The following XPR1 variants were observed in gnomAD, a reference collection of about 807,000 sequenced individuals.
The protein encoded by XPR1 is xenotropic and polytropic retrovirus receptor 1.
In XPR1, 28 loss-of-function variants were observed where a neutral mutation model predicts 87.5. The ratio of observed to expected loss-of-function variants is 0.32; its 90% CI spans 0.24 to 0.44. The LOEUF is 0.44. Ranked by LOEUF, XPR1 falls within the 20% of genes least tolerant of loss-of-function variation. The pLI is 1.00. For missense variants in XPR1, 559 were observed against 862.3 expected (o/e 0.65, Z 4.41); for synonymous variants, 300 against 306.1 (o/e 0.98, Z 0.21).
intron 1 of XPR1, among the ~76,000 whole-genome samples, chr1:180,639,261 C>CT (rs1654885356): frequency 6.6e-6 from 1 of 151,700 alleles, no homozygotes; most frequent in Non-Finnish European, 1.5e-5. Flanking sequence ...GCACTCCAGC[C>CT]TGGGTGACAG....
chr1:180,682,479 C>T, intron 2 of XPR1, 68 bp downstream of exon 2: 1 of 1,329,764 alleles, frequency 7.5e-7, no homozygotes, highest in East Asian at 2.5e-5. Flanking sequence ...TTTTGTACTG[C>T]AGAGTATAAA....
intron 2 of XPR1, among the ~76,000 whole-genome samples, chr1:180,727,507 G>C (rs1658395208): frequency 6.6e-6 from 1 of 152,162 alleles, no homozygotes; most frequent in African/African-American, 2.4e-5. Context: ...AGCCAGGCGT[G>C]GTGGCAGATG....
chr1:180,751,593 A>G (rs991959043), intron 2 of XPR1, among the ~76,000 whole-genome samples: 1 of 152,148 alleles, frequency 6.6e-6, no homozygotes, highest in Non-Finnish European at 1.5e-5. Flanking sequence ...TTTGGTGAGC[A>G]TTAACATTAG....
At chr1:180,671,715 A>C (rs556932612) in intron 1 of XPR1, among the ~76,000 whole-genome samples, 3 of 152,238 alleles carry the variant, frequency 2.0e-5, no homozygotes, top group African/African-American at 7.2e-5. Context: ...GGGTCTCACC[A>C]TGTTGGCCAG....
chr1:180,863,771 C>T lies in XPR1; in HGVS notation c.1565C>T (p.Ser522Phe), dbSNP rs1255474643. Residue 522 changes from serine to phenylalanine, a missense_variant, in exon 12 of 15, where the codon TCC becomes TTC. Ser to Phe is a radical substitution (Grantham distance 155). Transcript: ENST00000367590. ...YLWIVFYIIS[S>F]CYTLIWDLKM... ...TGGATTGTCTTTTATATCATCAGTT[C>T]CTGCTATACCCTCATCTGGGATCTC... 1.2e-6 allele frequency: 2 copies of T among 1,610,502 alleles called. No homozygotes were observed. The highest frequency in any genetic ancestry group is 1.7e-5 in the Admixed American group (1 of 59,290).
chr1:180,818,631 G>T (rs1375440712), intron 7 of XPR1, among the ~76,000 whole-genome samples: 1 of 152,176 alleles, frequency 6.6e-6, no homozygotes, highest in Non-Finnish European at 1.5e-5. Flanking sequence ...GCCATGGGAA[G>T]TTTGTGATGG....
chr1:180,643,002 A>T (rs1244180278), intron 1 of XPR1, among the ~76,000 whole-genome samples: 1 of 152,166 alleles, frequency 6.6e-6, no homozygotes, highest in Non-Finnish European at 1.5e-5. Flanking sequence ...TTAGTTAGAT[A>T]TGTTGAAGAG....
intron 11 of XPR1, among the ~76,000 whole-genome samples, chr1:180,861,295 C>T (rs1652212135): frequency 6.6e-6 from 1 of 151,946 alleles, no homozygotes; most frequent in Non-Finnish European, 1.5e-5. Flanking sequence ...CTTTTTATCT[C>T]TGTGTGGATC....
intron 7 of XPR1, among the ~76,000 whole-genome samples, chr1:180,816,876 T>TA (rs1650430315): frequency 6.6e-6 from 1 of 152,194 alleles, no homozygotes; most frequent in African/African-American, 2.4e-5. Context: ...ATAAAAGAGT[T>TA]AATTGTAAAA....
At chr1:180,836,241 C>T (rs1425605662) in intron 10 of XPR1, among the ~76,000 whole-genome samples, 2 of 151,780 alleles carry the variant, frequency 1.3e-5, no homozygotes, top group African/African-American at 4.8e-5. Context: ...ACCTGTAATC[C>T]CAGCTACTCA....
rs114373601 is a variant in XPR1 at position 180,712,500 on chromosome 1, G to A, written c.121+30089G>A. On this transcript the variant is annotated intron_variant, in intron 2 of 14. Transcript: ENST00000367590. Reference sequence around the variant, plus strand: ...TGGAAAGTGAAACCATAGTTTAAGGGGGCTATTTTATTTGTCAAAACGTCA... The same window carrying A: ...TGGAAAGTGAAACCATAGTTTAAGGAGGCTATTTTATTTGTCAAAACGTCA... Among the ~76,000 whole-genome samples the A allele has an allele frequency of 4.6e-3, 697 of 152,230 alleles. 12 individuals carry two copies. The highest frequency in any genetic ancestry group is 0.016 in the African/African-American group (674 of 41,534).
chr1:180,797,559 C>T (rs983205760), intron 3 of XPR1, among the ~76,000 whole-genome samples: 1 of 152,190 alleles, frequency 6.6e-6, no homozygotes, highest in Admixed American at 6.5e-5. Context: ...AATGTATTGA[C>T]AGTTCTGACT....
chr1:180,880,214 T>A lies in XPR1; in HGVS notation c.1947T>A (p.Asp649Glu). ...QTLLEQMMDQ[D>E]DGVRNRQKNR... ...TCCTAGAACAGATGATGGACCAGGATGATGGGGTACGAAACCGCCAGAAGA... is the reference window on the plus strand; with the variant it reads ...TCCTAGAACAGATGATGGACCAGGAAGATGGGGTACGAAACCGCCAGAAGA... Residue 649 changes from aspartate to glutamate, a missense_variant, in exon 14 of 15, where the codon GAT becomes GAA. Coordinates refer to ENST00000367590, the MANE Select transcript of XPR1 (RefSeq NM_004736.4). 2 of 1,614,138 alleles carry A rather than the reference T, an allele frequency of 1.2e-6. No individual in the cohort carries two copies. Among genetic ancestry groups the A allele is most frequent in the Non-Finnish European group, 1.7e-6 (2 of 1,180,024 alleles).
chr1:180,716,916 A>G (rs574967174), intron 2 of XPR1, among the ~76,000 whole-genome samples: 3 of 152,338 alleles, frequency 2.0e-5, no homozygotes, highest in Non-Finnish European at 4.4e-5. Flanking sequence ...ATTATTTTTC[A>G]ATATTCAGTA....
intron 7 of XPR1, among the ~76,000 whole-genome samples, chr1:180,816,227 G>C (rs943759046): frequency 6.6e-6 from 1 of 152,198 alleles, no homozygotes; most frequent in African/African-American, 2.4e-5. Flanking sequence ...TTCCACCTCC[G>C]ATCATCAGGC....
chr1:180,865,582 A>G (rs1456255696), intron 12 of XPR1, among the ~76,000 whole-genome samples: 3 of 152,032 alleles, frequency 2.0e-5, no homozygotes, highest in Non-Finnish European at 4.4e-5. Flanking sequence ...TTGTAGTTTT[A>G]GTAGAGACGG....
At chr1:180,641,033 A>AT (rs1390970054) in intron 1 of XPR1, among the ~76,000 whole-genome samples, 5 of 152,224 alleles carry the variant, frequency 3.3e-5, no homozygotes, top group African/African-American at 1.2e-4. Context: ...ATTAGTTTAT[A>AT]TAATATGCTA....
At chr1:180,694,775 A>G (rs930240877) in intron 2 of XPR1, among the ~76,000 whole-genome samples, 390 of 33,728 alleles carry the variant, frequency 0.012, no homozygotes, top group African/African-American at 0.058. Context: ...TGTTGTGTGC[A>G]CACACACACA....
intron 2 of XPR1, among the ~76,000 whole-genome samples, chr1:180,726,895 G>A (rs1658371744): frequency 6.7e-6 from 1 of 148,198 alleles, no homozygotes; most frequent in African/African-American, 2.5e-5. Flanking sequence ...TTTTTTTTGA[G>A]ATGGAGTCTC....
Sources: gnomAD v4.1 joint callset for allele counts (sites outside exome capture counted in the v4.1 genomes callset) on GRCh38, gnomAD v4.1.1 for gene constraint, MANE v1.5 for transcripts, NCBI Gene and HGNC (gene_info 2026-07-23, HGNC 2026-07-21) for gene names.